The following FSTL5 variants were observed in gnomAD, a reference collection of about 807,000 sequenced individuals.
FSTL5 encodes follistatin like 5.
A neutral mutation model predicts 89.1 loss-of-function variants in FSTL5; 62 were observed. That is an observed-to-expected ratio of 0.70 (90% CI 0.57 to 0.86). The LOEUF is 0.86. FSTL5 is among the 40% of genes least tolerant of loss of function. The pLI, the probability that FSTL5 is intolerant of heterozygous loss-of-function variation, is 0.00. For missense variants in FSTL5, 1,057 were observed against 1,001.6 expected (o/e 1.06, Z -0.75); for synonymous variants, 383 against 346.2 (o/e 1.11, Z -1.18).
At chr4:161,867,246 G>T (rs1732123072) in intron 4 of FSTL5, among the ~76,000 whole-genome samples, 1 of 151,688 alleles carries the variant, frequency 6.6e-6, no homozygotes, top group Admixed American at 6.6e-5. Context: ...CTTGAAATTG[G>T]CTTTTAACTG....
intron 4 of FSTL5, among the ~76,000 whole-genome samples, chr4:161,821,373 C>A (rs950908922): frequency 1.1e-4 from 16 of 152,114 alleles, no homozygotes; most frequent in African/African-American, 3.6e-4. Context: ...CGACAAGTTA[C>A]ATGGAGAAGA....
intron 15 of FSTL5, among the ~76,000 whole-genome samples, chr4:161,392,605 C>T (rs554739008): frequency 3.9e-5 from 6 of 152,184 alleles, no homozygotes; most frequent in Middle Eastern, 3.4e-3. Context: ...AGATTAAGAG[C>T]TTAGGACATG....
chr4:161,482,749 G>A (rs1227371031), intron 12 of FSTL5, among the ~76,000 whole-genome samples: 1 of 152,170 alleles, frequency 6.6e-6, no homozygotes, highest in Non-Finnish European at 1.5e-5. Context: ...AAATAGCAAA[G>A]CACTTTGCAA....
chr4:161,752,875 TTC>T (rs761146846), intron 6 of FSTL5, among the ~76,000 whole-genome samples: 42 of 152,154 alleles, frequency 2.8e-4, no homozygotes, highest in Middle Eastern at 3.2e-3. Context: ...CCAGACAGCG[TTC>T]TCTCTCTTTG....
intron 12 of FSTL5, among the ~76,000 whole-genome samples, chr4:161,494,383 C>T (rs1008837426): frequency 6.6e-6 from 1 of 152,090 alleles, no homozygotes; most frequent in Non-Finnish European, 1.5e-5. Context: ...TTTCAAATGA[C>T]TATTTTTGAG....
rs115285911 is a variant in FSTL5 at position 161,728,303 on chromosome 4, A to G, written c.727+31108T>C. Among the ~76,000 whole-genome samples, 714 of 152,342 alleles carry G rather than the reference A, an allele frequency of 4.7e-3. 7 individuals carry two copies. The highest frequency in any genetic ancestry group is 0.016 in the African/African-American group (674 of 41,586). ...AATGATAAAGACAAAAACACTCAAT[A>G]TCTAGCCAGCTGGTTAAAATGTAGA... On this transcript the variant is annotated intron_variant, in intron 6 of 15. Coordinates refer to ENST00000306100, the MANE Select transcript of FSTL5 (RefSeq NM_020116.5).
intron 8 of FSTL5, among the ~76,000 whole-genome samples, chr4:161,555,038 C>A (rs1732342725): frequency 6.6e-6 from 1 of 151,608 alleles, no homozygotes; most frequent in African/African-American, 2.4e-5. Flanking sequence ...ACAAAACTCT[C>A]TGATCACATT....
rs1457622432 is a variant in FSTL5 at position 162,059,123 on chromosome 4, T to C, written c.127-25465A>G. ...CATAGGCATATCTTTTAAACAACAA[T>C]ACAAATTTCTGAAAGTCTGAGTATG... On this transcript the variant is annotated intron_variant, in intron 2 of 15. Coordinates refer to ENST00000306100, the MANE Select transcript of FSTL5 (RefSeq NM_020116.5). 1.1e-4 allele frequency among the ~76,000 whole-genome samples: 17 copies of C among 152,122 alleles called. 1 individual carries two copies. Among genetic ancestry groups the C allele is most frequent in the Admixed American group, 1.1e-3 (17 of 15,280 alleles).
At chr4:161,646,902 C>G (rs34262613) in intron 7 of FSTL5, among the ~76,000 whole-genome samples, 3 of 151,882 alleles carry the variant, frequency 2.0e-5, no homozygotes, top group Admixed American at 2.0e-4. Context: ...TTAATAGTAA[C>G]CTTTTATTAG....
At chr4:161,966,550 C>A (rs925218908) in intron 3 of FSTL5, among the ~76,000 whole-genome samples, 1 of 151,966 alleles carries the variant, frequency 6.6e-6, no homozygotes, top group African/African-American at 2.4e-5. Flanking sequence ...AGATGCTAAT[C>A]CTATATGATT....
chr4:162,053,920 G>C (rs1738460214), intron 2 of FSTL5, among the ~76,000 whole-genome samples: 1 of 151,180 alleles, frequency 6.6e-6, no homozygotes, highest in Non-Finnish European at 1.5e-5. Flanking sequence ...TTTTTCCAGA[G>C]GAAAAAAACA....
intron 6 of FSTL5, chr4:161,665,031 G>A (rs1201933218): frequency 6.6e-6 from 1 of 152,458 alleles, no homozygotes; most frequent in Non-Finnish European, 1.5e-5. Context: ...CACAACACAT[G>A]GGAATTCTGG....
chr4:161,540,713 A>G (rs1435649182), intron 9 of FSTL5, among the ~76,000 whole-genome samples: 1 of 151,606 alleles, frequency 6.6e-6, no homozygotes, highest in Non-Finnish European at 1.5e-5. Context: ...TTTTCCTTTC[A>G]GAATCTGGCC....
chr4:161,602,195 C>T (rs1422703127), intron 7 of FSTL5, among the ~76,000 whole-genome samples: 3 of 146,094 alleles, frequency 2.1e-5, no homozygotes, highest in East Asian at 2.0e-4. Context: ...AAACAAAAAG[C>T]GTGTGCGCAC....
At chr4:161,576,661 T>C (rs1277944320) in intron 8 of FSTL5, among the ~76,000 whole-genome samples, 7 of 152,060 alleles carry the variant, frequency 4.6e-5, no homozygotes, top group African/African-American at 1.7e-4. Context: ...CACATTAGAC[T>C]CTCCTTTTTC....
chr4:162,106,124 A>G (rs774386958), intron 2 of FSTL5, among the ~76,000 whole-genome samples: 1 of 152,202 alleles, frequency 6.6e-6, no homozygotes, highest in Non-Finnish European at 1.5e-5. Flanking sequence ...CAACCCTCTT[A>G]GGAATTATTA....
intron 6 of FSTL5, among the ~76,000 whole-genome samples, chr4:161,682,861 C>T (rs1737571358): frequency 2.0e-5 from 3 of 152,016 alleles, no homozygotes. Flanking sequence ...ATTCTTCTGC[C>T]TTAGCTTCCC....
At chr4:161,736,989 GTTGAGTGAGGA>G (rs924028069) in intron 6 of FSTL5, among the ~76,000 whole-genome samples, 6 of 152,092 alleles carry the variant, frequency 3.9e-5, no homozygotes, top group African/African-American at 7.2e-5. Context: ...ATTGCCACAT[GTTGAGTGAGGA>G]TTAACAAAAT....
intron 1 of FSTL5, among the ~76,000 whole-genome samples, chr4:162,112,339 C>T (rs1442432826): frequency 6.6e-6 from 1 of 152,080 alleles, no homozygotes; most frequent in Non-Finnish European, 1.5e-5. Flanking sequence ...GCAATGGCAC[C>T]ATAAATGACC....
Sources: allele counts gnomAD v4.1 joint callset (sites outside exome capture counted in the v4.1 genomes callset), GRCh38; gene constraint gnomAD v4.1.1; transcripts MANE v1.5; gene names NCBI Gene and HGNC (gene_info 2026-07-23, HGNC 2026-07-21).